Variants in TOM1L1 observed in about 807,000 individuals in gnomAD.
TOM1L1 encodes TOM1-like protein 1.
A neutral mutation model predicts 63.4 loss-of-function variants in TOM1L1; 64 were observed. The observed-to-expected ratio is 1.01, with a 90% confidence interval of 0.83 to 1.24. The LOEUF (loss-of-function observed/expected upper bound fraction) is 1.24. Among genes scored for constraint, TOM1L1 ranks in the 50% most tolerant of loss-of-function variants. TOM1L1 has a pLI of 0.00. For synonymous variants in TOM1L1, 166 were observed against 194.4 expected (o/e 0.85, Z 1.22); for missense variants, 536 against 567.0 (o/e 0.95, Z 0.55).
At position 54,960,591 on chromosome 17, in the gene TOM1L1, C is replaced by T; in HGVS notation, c.1396C>T (p.His466Tyr). 1 of 1,613,182 alleles carries T rather than the reference C, an allele frequency of 6.2e-7. No homozygotes were observed. ...TEAIYEEIDA[H>Y]QHKGAQNDGD ...AGCTATTTATGAAGAAATTGATGCTCACCAGCACAAAGGAGCTCAAAATGA... is the reference window on the plus strand; with the variant it reads ...AGCTATTTATGAAGAAATTGATGCTTACCAGCACAAAGGAGCTCAAAATGA... Residue 466 changes from histidine (H) to tyrosine (Y), a missense_variant, in exon 15 of 16, where the codon CAC (histidine) becomes TAC (tyrosine). By Grantham distance (83) the His-to-Tyr change is moderately conservative. Transcript: ENST00000575882.
intron 8 of TOM1L1, among the ~76,000 whole-genome samples, chr17:54,931,233 C>T (rs1302563068): frequency 6.6e-6 from 1 of 152,056 alleles, no homozygotes; most frequent in Non-Finnish European, 1.5e-5. Context: ...GGATAAGTTG[C>T]ATAACTTTTC....
chr17:54,960,930 C>A (rs1234782438), intron 15 of TOM1L1, among the ~76,000 whole-genome samples: 6 of 152,170 alleles, frequency 3.9e-5, no homozygotes, highest in African/African-American at 1.4e-4. Context: ...ATTTGTTTTT[C>A]ATATGCAGTT....
At chr17:54,940,405 C>CT (rs2049016831) in intron 11 of TOM1L1, among the ~76,000 whole-genome samples, 1 of 152,116 alleles carries the variant, frequency 6.6e-6, no homozygotes, top group Non-Finnish European at 1.5e-5. Context: ...TTATGTAACT[C>CT]TTATAGGGGC....
At chr17:54,937,348 A>T in intron 10 of TOM1L1, 122 bp downstream of exon 10, 1 of 771,838 alleles carries the variant, frequency 1.3e-6, no homozygotes, top group South Asian at 1.6e-5. Context: ...TCAGAGCGCT[A>T]TGTTAGGAGA....
At chr17:54,958,701 G>C (rs1273393588) in intron 14 of TOM1L1, among the ~76,000 whole-genome samples, 1 of 132,460 alleles carries the variant, frequency 7.5e-6, no homozygotes. Flanking sequence ...TTGCACTCTA[G>C]CGTGGGCAAC....
At chr17:54,952,413 G>GGTGCGCACCTGTA (rs1220772018) in intron 14 of TOM1L1, 1 of 151,962 alleles carries the variant, frequency 6.6e-6, no homozygotes, top group Non-Finnish European at 1.5e-5. Flanking sequence ...CAGGTGTGGT[G>GGTGCGCACCTGTA]GTGCGCACCT....
rs774925637 is a variant in TOM1L1 at position 54,961,665 on chromosome 17, C to T, written c.*432C>T. ...ATTATTCAGGAAGAATACTGAGTGC[C>T]TTCATTTAACTAAAGTTGAATGTAA... On this transcript the variant is annotated 3_prime_UTR_variant, in exon 16 of 16. Transcript: ENST00000575882. 1.4e-4 allele frequency: 144 copies of T among 1,057,894 alleles called. No homozygotes were observed. The highest frequency in any genetic ancestry group is 1.3e-4 in the Non-Finnish European group (116 of 876,134). The allele number at this position is 1,057,894 out of a possible 1,614,324, so 65.5% of individuals were successfully genotyped here.
intron 7 of TOM1L1, among the ~76,000 whole-genome samples, chr17:54,926,655 A>G (rs2048773960): frequency 6.6e-6 from 1 of 151,382 alleles, no homozygotes; most frequent in Non-Finnish European, 1.5e-5. Context: ...AAAAAAAAAA[A>G]TCCTGAGAAT....
At chr17:54,940,041 A>C (rs2049011053) in intron 11 of TOM1L1, among the ~76,000 whole-genome samples, 1 of 152,144 alleles carries the variant, frequency 6.6e-6, no homozygotes, top group Non-Finnish European at 1.5e-5. Context: ...AATTATAGGC[A>C]TATGCCCCAA....
At chr17:54,949,049 T>C (rs1336051165) in intron 12 of TOM1L1, among the ~76,000 whole-genome samples, 1 of 152,180 alleles carries the variant, frequency 6.6e-6, no homozygotes, top group African/African-American at 2.4e-5. Flanking sequence ...ATTCTTGTTT[T>C]TGAGACAGGG....
Position 54,938,921 on chromosome 17 carries a change from T to C in TOM1L1, c.1034-3T>C. The C allele has an allele frequency of 6.2e-7, 1 of 1,602,286 alleles. No homozygotes were observed. The highest frequency in any genetic ancestry group is 8.5e-7 in the Non-Finnish European group (1 of 1,171,934). The stretch of plus-strand genomic sequence containing the variant: ...AGCCAAACAAGTCCATTTTGTGTTT[T>C]AGATTTCAGCCTTCCAAGTTCTGAT... On this transcript the variant is annotated splice_polypyrimidine_tract_variant and splice_region_variant and intron_variant, in intron 10 of 15. Transcript: ENST00000575882.
chr17:54,915,485 CT>C (rs940606984), intron 6 of TOM1L1, among the ~76,000 whole-genome samples: 2 of 151,128 alleles, frequency 1.3e-5, no homozygotes, highest in Non-Finnish European at 3.0e-5. Context: ...GGGTTCTAAT[CT>C]TTTTTTTTCC....
intron 7 of TOM1L1, among the ~76,000 whole-genome samples, chr17:54,927,610 G>A (rs1212074182): frequency 6.6e-6 from 1 of 152,152 alleles, no homozygotes; most frequent in Admixed American, 6.5e-5. Flanking sequence ...GGCAATTCCG[G>A]GGTCTCCGTG....
Position 54,929,445 on chromosome 17 carries a change from GGTATTCATGATTT to G in TOM1L1, c.721-625_721-613del, listed in dbSNP as rs529131198. ...AGTATTTCTAGGTAGTCCAAATAAG[GGTATTCATGATTT>G]GTTTGTTAATCCTGTTTTAGTTTGC... On this transcript the variant is annotated intron_variant, in intron 7 of 15. Transcript: ENST00000575882. Among the ~76,000 whole-genome samples, 120 of 151,970 alleles carry G rather than the reference GGTATTCATGATTT, an allele frequency of 7.9e-4. 3 individuals are homozygous for G. In the South Asian group the frequency reaches 0.024, roughly 31 times the overall value.
At chr17:54,902,257 T>A (rs1471526886) in intron 1 of TOM1L1, among the ~76,000 whole-genome samples, 1 of 152,190 alleles carries the variant, frequency 6.6e-6, no homozygotes, top group African/African-American at 2.4e-5. Flanking sequence ...GCTTTGTCCA[T>A]TCGGTGCCAG....
intron 14 of TOM1L1, among the ~76,000 whole-genome samples, chr17:54,955,686 T>C (rs146067893): frequency 2.2e-4 from 34 of 152,036 alleles, no homozygotes; most frequent in African/African-American, 8.0e-4. Context: ...GCGATGTCTC[T>C]CAGTCTCCCA....
At chr17:54,915,507 A>G (rs796253965) in intron 6 of TOM1L1, among the ~76,000 whole-genome samples, 22 of 152,084 alleles carry the variant, frequency 1.4e-4, no homozygotes, top group African/African-American at 5.3e-4. Context: ...TTTCATTTTT[A>G]AAATTCCTAA....
intron 15 of TOM1L1, chr17:54,960,998 GA>G: frequency 1.8e-6 from 1 of 559,672 alleles, no homozygotes; most frequent in East Asian, 3.0e-5. Flanking sequence ...AAATAGGTCT[GA>G]ATTTTTCCTA....
chr17:54,902,156 A>T (rs1233599899), intron 1 of TOM1L1, among the ~76,000 whole-genome samples: 1 of 152,214 alleles, frequency 6.6e-6, no homozygotes, highest in Non-Finnish European at 1.5e-5. Flanking sequence ...ATGCAAGAAA[A>T]TGCAAAACAC....
Sources: allele counts gnomAD v4.1 joint callset (sites outside exome capture counted in the v4.1 genomes callset), GRCh38; gene constraint gnomAD v4.1.1; transcripts MANE v1.5; gene names NCBI Gene and HGNC (gene_info 2026-07-23, HGNC 2026-07-21).